Variants in MYCBP2 observed in about 807,000 individuals in gnomAD.
The protein encoded by MYCBP2 is E3 ubiquitin-protein ligase MYCBP2.
A neutral mutation model predicts 525.3 loss-of-function variants in MYCBP2; 120 were observed. That is an observed-to-expected ratio of 0.23 (90% CI 0.20 to 0.27). MYCBP2 has a LOEUF of 0.27. Ranked by LOEUF, MYCBP2 falls within the 10% of genes least tolerant of loss-of-function variation. The pLI, the probability that MYCBP2 is intolerant of heterozygous loss-of-function variation, is 1.00. For synonymous variants in MYCBP2, 1,894 were observed against 1,955.8 expected, an observed-to-expected ratio of 0.97 and a Z score of 0.83; for missense variants, 4,149 against 5,657.1, an observed-to-expected ratio of 0.73 and a Z score of 8.55.
In MYCBP2 at chr13:77,096,442, A is replaced by G; in HGVS notation, c.9824T>C (p.Ile3275Thr). The change falls in exon 57 of 83, where the codon ATT becomes ACT. Residue 3275 changes from isoleucine (I) to threonine (T), a missense_variant. Physicochemically the swap from Ile to Thr is moderately conservative, Grantham distance 89 (BLOSUM62 -1). Around this residue, in one of 21 missense-constraint regions of MYCBP2, gnomAD observed 26 missense variants for 48.2 expected, o/e 0.54. Transcript: ENST00000544440. ...AGCCCATCCTCCACAAAAATGCCCA[A>G]TGCTATTGTAACCTTGTCCACCAGC... ...RYAGGQGYNS[I>T]GHFCGGWAGN... The G allele has an allele frequency of 6.2e-7, 1 of 1,613,362 alleles. No homozygotes were observed. The highest frequency in any genetic ancestry group is 1.3e-5 in the African/African-American group (1 of 74,978).
intron 36 of MYCBP2, among the ~76,000 whole-genome samples, chr13:77,176,062 A>C (rs751281842): frequency 6.6e-6 from 1 of 151,862 alleles, no homozygotes; most frequent in Non-Finnish European, 1.5e-5. Flanking sequence ...TAAGAGAAGA[A>C]AAGACAGGAG....
At chr13:77,280,131 G>A (rs548734431) in intron 3 of MYCBP2, among the ~76,000 whole-genome samples, 4 of 152,296 alleles carry the variant, frequency 2.6e-5, no homozygotes, top group South Asian at 2.1e-4. Context: ...GAAGCAAGTC[G>A]GCTGAAGGTA....
intron 82 of MYCBP2, among the ~76,000 whole-genome samples, chr13:77,048,632 C>G (rs2036088997): frequency 6.6e-6 from 1 of 152,142 alleles, no homozygotes; most frequent in African/African-American, 2.4e-5. Flanking sequence ...CATTAACCTC[C>G]CTAGCCCTCA....
Position 77,174,503 on chromosome 13 carries a change from A to T in MYCBP2, c.5473-14T>A. The T allele has an allele frequency of 6.2e-7, 1 of 1,607,084 alleles. No individual in the cohort carries two copies. The highest frequency in any genetic ancestry group is 8.5e-7 in the Non-Finnish European group (1 of 1,174,092). ...TTTAACATTTTCCTTCATTATAAAG[A>T]TGTAAAACATCTTTTATTCACAATG... On this transcript the variant is annotated splice_polypyrimidine_tract_variant and intron_variant, in intron 36 of 82. Transcript: ENST00000544440.
chr13:77,070,573 A>AAC (rs60371737), intron 69 of MYCBP2, 58 bp downstream of exon 69: 124,087 of 1,072,304 alleles, frequency 0.12, 3,840 homozygotes, highest in Middle Eastern at 0.17. Flanking sequence ...CAAACAAACA[A>AAC]ACACACACAC....
At chr13:77,201,681 A>G (rs1223586778) in intron 26 of MYCBP2, among the ~76,000 whole-genome samples, 2 of 151,698 alleles carry the variant, frequency 1.3e-5, no homozygotes, top group African/African-American at 2.4e-5. Flanking sequence ...AACAGAAATT[A>G]TAACAAACTG....
chr13:77,169,635 TG>T lies in MYCBP2; in HGVS notation c.5873del (p.Pro1958GlnfsTer2), dbSNP rs2058941476. On this transcript the variant is annotated frameshift_variant, in exon 39 of 83. Transcript: ENST00000544440. LOFTEE classifies it high-confidence loss of function. ...ACACCTTGGGAATAGCAGCAGCTAC[TG>T]GTCCTATGTAGGCTATAATAAGGGG... Reference protein sequence around the residue: ...LLPLIIAYIGPVAAAIPKVAV... With the variant: ...LLPLIIAYIGXVAAAIPKVAV... The T allele has an allele frequency of 6.2e-7, 1 of 1,613,474 alleles. No individual in the cohort carries two copies. Among genetic ancestry groups the T allele is most frequent in the Non-Finnish European group, 8.5e-7 (1 of 1,179,608 alleles).
At chr13:77,181,459 G>T (rs938002512) in intron 33 of MYCBP2, among the ~76,000 whole-genome samples, 1 of 151,928 alleles carries the variant, frequency 6.6e-6, no homozygotes, top group Non-Finnish European at 1.5e-5. Flanking sequence ...TTTTTTAAAG[G>T]TGTGTGATTA....
chr13:77,170,969 C>T (rs74098713), intron 38 of MYCBP2, among the ~76,000 whole-genome samples: 4,328 of 152,146 alleles, frequency 0.028, 222 homozygotes, highest in African/African-American at 0.097. Context: ...GTGAGATTAT[C>T]GGGATATTAA....
rs779633607 is a variant in MYCBP2, at chr13:77,194,216, T to A, written c.3872A>T (p.Asp1291Val). The A allele has an allele frequency of 2.5e-6, 4 of 1,613,296 alleles. No homozygotes were observed. Among genetic ancestry groups the A allele is most frequent in the African/African-American group, 2.7e-5 (2 of 74,888 alleles). Residue 1291 changes from aspartate to valine, a missense_variant, in exon 27 of 83, where the codon GAT becomes GTT. Coordinates refer to ENST00000544440, the MANE Select transcript of MYCBP2 (RefSeq NM_015057.5). Reference sequence around the variant, plus strand: ...AAGAAGGTCACCATCAGTTTCATGATCTCCTCCATCAGGACCCAATTCAAA... The same window carrying A: ...AAGAAGGTCACCATCAGTTTCATGAACTCCTCCATCAGGACCCAATTCAAA... ...KLFELGPDGG[D>V]HETDGDLLAE...
At chr13:77,267,968 ATATT>A (rs1273269738) in intron 7 of MYCBP2, 31 bp from the exon 8 acceptor site, 1 of 1,459,360 alleles carries the variant, frequency 6.9e-7, no homozygotes, top group Non-Finnish European at 9.6e-7. Flanking sequence ...TCCTGTTAAA[ATATT>A]TATTACTAAT....
At chr13:77,179,236 A>G (rs1439953747) in intron 34 of MYCBP2, among the ~76,000 whole-genome samples, 1 of 152,224 alleles carries the variant, frequency 6.6e-6, no homozygotes, top group Non-Finnish European at 1.5e-5. Flanking sequence ...TAAAAGTAAA[A>G]TAGAGAAAAG....
intron 34 of MYCBP2, 52 bp downstream of exon 34, chr13:77,180,075 T>TA (rs796067934): frequency 6.9e-7 from 1 of 1,442,304 alleles, no homozygotes; most frequent in African/African-American, 1.4e-5. Context: ...AGAAACTGTG[T>TA]AAAAAACTTA....
chr13:77,314,088 AGTTT>A (rs1475102617), intron 1 of MYCBP2, among the ~76,000 whole-genome samples: 4 of 152,226 alleles, frequency 2.6e-5, no homozygotes, highest in Non-Finnish European at 5.9e-5. Context: ...TTTGTAAGAC[AGTTT>A]GGTGATTTCC....
At chr13:77,210,051 C>A (rs1299457049) in intron 23 of MYCBP2, among the ~76,000 whole-genome samples, 2 of 152,128 alleles carry the variant, frequency 1.3e-5, no homozygotes, top group African/African-American at 4.8e-5. Flanking sequence ...CCTACTAAGG[C>A]CGGCCGCAAA....
chr13:77,097,425 C>G lies in MYCBP2; in HGVS notation c.9729G>C (p.Leu3243=), dbSNP rs1298268882. The change falls in exon 56 of 83, where the codon CTG becomes CTC. Residue 3243 remains leucine (L), a synonymous_variant. Transcript: ENST00000544440. ...GGPEKDTICE[L]CGESHPYPVT... ...CCGGGTATGGATGTGACTCCCCACA[C>G]AGTTCACAGATGGTATCTTTCTCTG... 6.2e-7 allele frequency: 1 copy of G among 1,613,494 alleles called. No homozygotes were observed. Among genetic ancestry groups the G allele is most frequent in the South Asian group, 1.1e-5 (1 of 91,044 alleles).
chr13:77,152,963 G>C (rs1007531740), intron 46 of MYCBP2, among the ~76,000 whole-genome samples: 2 of 151,550 alleles, frequency 1.3e-5, no homozygotes, highest in African/African-American at 4.9e-5. Context: ...TACTCGGGAG[G>C]CTGAGGCAGG....
intron 62 of MYCBP2, among the ~76,000 whole-genome samples, chr13:77,087,273 C>CT (rs1055106509): frequency 1.7e-4 from 26 of 152,126 alleles, no homozygotes; most frequent in Non-Finnish European, 2.6e-4. Flanking sequence ...ACTCAGGCTC[C>CT]TAGTGCCCTA....
intron 40 of MYCBP2, among the ~76,000 whole-genome samples, chr13:77,167,016 CACACA>C (rs2058621690): frequency 7.1e-6 from 1 of 140,934 alleles, no homozygotes; most frequent in South Asian, 2.1e-4. Flanking sequence ...CACACACACA[CACACA>C]CACACCAAAT....
Sources: gnomAD v4.1 joint callset for allele counts (sites outside exome capture counted in the v4.1 genomes callset) on GRCh38, gnomAD v4.1.1 for gene constraint, gnomAD v4.1.1 regional missense constraint, MANE v1.5 for transcripts, NCBI Gene and HGNC (gene_info 2026-07-23, HGNC 2026-07-21) for gene names.